GIMD1: variants seen among roughly 807,000 people sequenced by gnomAD.
The protein encoded by GIMD1 is GIMAP family P-loop NTPase domain containing 1, also known as GTPase IMAP family member GIMD1.
GIMD1 carries 14 observed loss-of-function variants against 14.9 expected under a neutral mutation model. That is an observed-to-expected ratio of 0.94 (90% CI 0.62 to 1.47). The LOEUF (loss-of-function observed/expected upper bound fraction) is 1.47. GIMD1 is among the 40% of genes most tolerant of loss of function. The pLI, the probability that GIMD1 is intolerant of heterozygous loss-of-function variation, is 0.00. For missense variants in GIMD1, 272 were observed against 255.3 expected (o/e 1.07, Z -0.44); for synonymous variants, 91 against 90.5 (o/e 1.01, Z -0.03).
chr4:106,363,079 T>C (rs867645243), intron 2 of GIMD1, among the ~76,000 whole-genome samples: 66 of 152,094 alleles, frequency 4.3e-4, no homozygotes, highest in African/African-American at 1.5e-3. Flanking sequence ...ACTTCTTATG[T>C]TTATAAATCA....
chr4:106,362,552 C>T (rs937875080), intron 2 of GIMD1, among the ~76,000 whole-genome samples: 2 of 151,976 alleles, frequency 1.3e-5, no homozygotes, highest in Admixed American at 1.3e-4. Flanking sequence ...AGGATATAAA[C>T]TTTGTTATCC....
In GIMD1 at chr4:106,367,285, G is replaced by T. The variant is rs867045299; in HGVS notation, c.151C>A (p.Arg51Ser). Residue 51 changes from arginine (R) to serine (S), a missense_variant, in exon 2 of 3, where the codon CGC (arginine) becomes AGC (serine). Arg to Ser is a moderately radical substitution (Grantham distance 110). Coordinates refer to ENST00000638719, the MANE Select transcript of GIMD1 (RefSeq NM_001195138.2). ...CSVTTCCSLG[R>S]SCHLHSFMRR... ...ATGAAGCTGTGGAGGTGACAACTGC[G>T]GCCCAGGCTACAACATGTGGTCACA... 6.5e-7 allele frequency: 1 copy of T among 1,535,866 alleles called. No individual in the cohort carries two copies. Among genetic ancestry groups the T allele is most frequent in the Admixed American group, 2.0e-5 (1 of 50,972 alleles).
Position 106,367,190 on chromosome 4 carries a change from C to T in GIMD1, c.246G>A (p.Arg82=). The change falls in exon 2 of 3, where the codon AGG becomes AGA. Residue 82 remains arginine (R), a synonymous_variant. Coordinates refer to ENST00000638719, the MANE Select transcript of GIMD1 (RefSeq NM_001195138.2). ...VLDTPGYPHS[R]LSKKYVKQEV... ...CCTGTTTCACATACTTCTTGCTCAG[C>T]CTGCTGTGTGGATAACCTGGAGTGT... 6.5e-7 allele frequency: 1 copy of T among 1,535,764 alleles called. No individual in the cohort carries two copies. Among genetic ancestry groups the T allele is most frequent in the Non-Finnish European group, 8.7e-7 (1 of 1,146,756 alleles).
chr4:106,359,024 T>G (rs1331581733), intron 2 of GIMD1, among the ~76,000 whole-genome samples: 1 of 151,962 alleles, frequency 6.6e-6, no homozygotes, highest in Non-Finnish European at 1.5e-5. Flanking sequence ...CTTCACATGC[T>G]TAGAATGGAA....
chr4:106,365,936 C>T (rs71601003), intron 2 of GIMD1, among the ~76,000 whole-genome samples: 4 of 138,364 alleles, frequency 2.9e-5, no homozygotes, highest in East Asian at 2.2e-4. Flanking sequence ...TGTACACACA[C>T]GTACACACAC....
At chr4:106,360,063 G>A (rs1770592115) in intron 2 of GIMD1, among the ~76,000 whole-genome samples, 1 of 151,956 alleles carries the variant, frequency 6.6e-6, no homozygotes, top group African/African-American at 2.4e-5. Context: ...GACCCTCATT[G>A]TCATCTCAAA....
intron 2 of GIMD1, 56 bp from the exon 3 acceptor site, chr4:106,358,499 G>A: frequency 7.4e-7 from 1 of 1,344,030 alleles, no homozygotes; most frequent in South Asian, 1.5e-5. Flanking sequence ...TCAAAAATGA[G>A]CAAAGGATTT....
chr4:106,360,320 T>C (rs1770594709), intron 2 of GIMD1, among the ~76,000 whole-genome samples: 1 of 152,068 alleles, frequency 6.6e-6, no homozygotes. Context: ...AATACCCTGC[T>C]TAAAGTTTCA....
chr4:106,357,901 A>G lies in GIMD1; in HGVS notation c.*282T>C, dbSNP rs772189298. ...TGTTTAGCTTTTGAATAGTAGTTCC[A>G]TGAACATTATTGTGCATACATGTCT... On this transcript the variant is annotated 3_prime_UTR_variant, in exon 3 of 3. Transcript: ENST00000638719. The G allele has an allele frequency of 8.0e-5, 18 of 225,178 alleles. No individual in the cohort carries two copies. The highest frequency in any genetic ancestry group is 3.1e-4 in the Admixed American group (6 of 19,610). The allele number at this position is 225,178 out of a possible 1,614,324, so 13.9% of individuals were successfully genotyped here. A position where few individuals can be genotyped will look rare whatever the true frequency, so the allele number is the denominator to read the frequency against.
In GIMD1 at chr4:106,368,766, TG is replaced by T; in HGVS notation, c.-60del. ...AAGACGTCTCTCGCCCTGGCACAGT[TG>T]TTCTTTCATATGAACTTTCACCTTC... is the stretch of plus-strand genomic sequence containing the variant. On this transcript the variant is annotated 5_prime_UTR_variant, in exon 1 of 3. Coordinates refer to ENST00000638719, the MANE Select transcript of GIMD1 (RefSeq NM_001195138.2). 1 of 398,510 alleles carries T rather than the reference TG, an allele frequency of 2.5e-6. No homozygotes were observed. The highest frequency in any genetic ancestry group is 1.3e-4 in the South Asian group (1 of 7,862). 24.7% of individuals were successfully genotyped at this position (398,510 alleles called of 1,614,324 possible).
chr4:106,367,557 G>A (rs748637768), intron 1 of GIMD1, 120 bp from the exon 2 acceptor site: 16 of 930,284 alleles, frequency 1.7e-5, no homozygotes, highest in African/African-American at 1.7e-4. Flanking sequence ...CCCTTCATTC[G>A]TAGTGACTAA....
chr4:106,361,351 A>T (rs1165086395), intron 2 of GIMD1, among the ~76,000 whole-genome samples: 2 of 152,000 alleles, frequency 1.3e-5, no homozygotes, highest in Non-Finnish European at 2.9e-5. Context: ...AAAGGTGATC[A>T]TTTTGCCCAT....
In GIMD1 at chr4:106,358,173, C is replaced by T. The variant is rs976893760; in HGVS notation, c.*10G>A. The T allele has an allele frequency of 6.2e-6, 9 of 1,458,048 alleles. No homozygotes were observed. The highest frequency in any genetic ancestry group is 8.1e-6 in the Non-Finnish European group (9 of 1,107,092). The allele number at this position is 1,458,048 out of a possible 1,614,324, so 90.3% of individuals were successfully genotyped here. ...CCAATACCCAATGCTCCTTTCCTTTCACCTAAATTTTATTTAAATGTAAGA... is the reference window on the plus strand; with the variant it reads ...CCAATACCCAATGCTCCTTTCCTTTTACCTAAATTTTATTTAAATGTAAGA... On this transcript the variant is annotated 3_prime_UTR_variant, in exon 3 of 3. Transcript: ENST00000638719.
At chr4:106,368,220 T>C (rs1561042565) in intron 1 of GIMD1, among the ~76,000 whole-genome samples, 1 of 152,160 alleles carries the variant, frequency 6.6e-6, no homozygotes, top group South Asian at 2.1e-4. Context: ...GGGAGAATCT[T>C]GGGAGAATCT....
chr4:106,358,288 G>A lies in GIMD1; in HGVS notation c.549C>T (p.Phe183=), dbSNP rs190200622. 4.0e-3 allele frequency: 6,157 copies of A among 1,531,370 alleles called. 11 individuals carry two copies. The highest frequency in any genetic ancestry group is 5.0e-3 in the Non-Finnish European group (5,763 of 1,144,626). 94.9% of individuals were successfully genotyped at this position (1,531,370 alleles called of 1,614,324 possible). A position where few individuals can be genotyped will look rare whatever the true frequency, so the allele number is the denominator to read the frequency against. The stretch of plus-strand genomic sequence containing the variant: ...TGAGTGATTTTCCTTTTTTGTACTG[G>A]AAAACGTATTTGTGCTGAATAGAAT... ...LLNSIQHKYV[F]QYKKGKSLNE... is the part of the protein sequence containing the mutation. Residue 183 remains phenylalanine, a synonymous_variant, in exon 3 of 3, where the codon TTC becomes TTT. Coordinates refer to ENST00000638719, the MANE Select transcript of GIMD1 (RefSeq NM_001195138.2).
At position 106,358,209 on chromosome 4, in the gene GIMD1, A is replaced by T; in HGVS notation, c.628T>A (p.Cys210Ser). The change falls in exon 3 of 3, where the codon TGT (cysteine) becomes AGT (serine). Residue 210 changes from cysteine to serine, a missense_variant. Transcript: ENST00000638719. ...TATTTAAATGTAAGAACTTGGTAACAGTTCTCTTTTATAAATTCCATGATT... is the reference window on the plus strand; with the variant it reads ...TATTTAAATGTAAGAACTTGGTAACTGTTCTCTTTTATAAATTCCATGATT... The part of the protein sequence containing the change: ...ERIMEFIKEN[C>S]YQVLTFK The T allele has an allele frequency of 6.6e-7, 1 of 1,504,008 alleles. No individual in the cohort carries two copies. Among genetic ancestry groups the T allele is most frequent in the Non-Finnish European group, 8.8e-7 (1 of 1,131,200 alleles). The allele number at this position is 1,504,008 out of a possible 1,614,324, so 93.2% of individuals were successfully genotyped here.
At chr4:106,365,835 G>A (rs1273650696) in intron 2 of GIMD1, among the ~76,000 whole-genome samples, 1 of 140,906 alleles carries the variant, frequency 7.1e-6, no homozygotes, top group Admixed American at 7.1e-5. Flanking sequence ...AGTCTATACA[G>A]GGCTGTGTGG....
At chr4:106,359,291 C>T (rs1451414656) in intron 2 of GIMD1, among the ~76,000 whole-genome samples, 1 of 151,822 alleles carries the variant, frequency 6.6e-6, no homozygotes, top group Non-Finnish European at 1.5e-5. Flanking sequence ...AATAACATTA[C>T]CTCCATTCCG....
At chr4:106,366,649 G>T (rs1406705457) in intron 2 of GIMD1, among the ~76,000 whole-genome samples, 3 of 152,176 alleles carry the variant, frequency 2.0e-5, no homozygotes, top group South Asian at 2.1e-4. Flanking sequence ...GTACGTTTTG[G>T]ATCAATCTTC....
Sources: allele counts gnomAD v4.1 joint callset (sites outside exome capture counted in the v4.1 genomes callset), GRCh38; gene constraint gnomAD v4.1.1; transcripts MANE v1.5; gene names NCBI Gene and HGNC (gene_info 2026-07-23, HGNC 2026-07-21).